The following NTM variants were observed in gnomAD, a reference collection of about 807,000 sequenced individuals.
NTM encodes IgLON family member 2.
NTM carries 13 observed loss-of-function variants against 42.1 expected under a neutral mutation model. That is an observed-to-expected ratio of 0.31 (90% CI 0.20 to 0.49). The LOEUF is 0.49. Ranked by LOEUF, NTM falls within the 20% of genes least tolerant of loss-of-function variation. The pLI is 0.99. For synonymous variants in NTM, 187 were observed against 179.2 expected (o/e 1.04, Z -0.35); for missense variants, 373 against 452.8 (o/e 0.82, Z 1.60).
At position 132,268,389 on chromosome 11, in the gene NTM, A is replaced by G. The variant is rs189726493; in HGVS notation, c.527-39300A>G. Among the ~76,000 whole-genome samples, 5 of 152,336 alleles carry G rather than the reference A, an allele frequency of 3.3e-5. No homozygotes were observed. The East Asian group carries it at 9.6e-4, about 29-fold the overall frequency. On this transcript the variant is annotated intron_variant, in intron 4 of 8. Coordinates refer to ENST00000683400, the MANE Select transcript of NTM (RefSeq NM_001352005.2). ...AGACATCACCCTCCTTTTTCAAATG[A>G]GGAATTCAGACTCCATGAATAGTTC...
intron 1 of NTM, among the ~76,000 whole-genome samples, chr11:131,797,338 G>T (rs1002331795): frequency 6.6e-6 from 1 of 152,168 alleles, no homozygotes; most frequent in African/African-American, 2.4e-5. Context: ...CTCTGTAAGG[G>T]GGGGCAGGAT....
At chr11:131,432,520 G>A (rs1256779362) in intron 1 of NTM, among the ~76,000 whole-genome samples, 3 of 152,128 alleles carry the variant, frequency 2.0e-5, no homozygotes, top group African/African-American at 7.2e-5. Flanking sequence ...AATTGTTCAA[G>A]ACCACATGGT....
chr11:132,065,379 G>C (rs190153695), intron 2 of NTM, among the ~76,000 whole-genome samples: 1 of 152,116 alleles, frequency 6.6e-6, no homozygotes, highest in Non-Finnish European at 1.5e-5. Flanking sequence ...AAGGCACAGC[G>C]TGTAGAATAT....
chr11:131,477,758 A>G (rs932667612), intron 1 of NTM, among the ~76,000 whole-genome samples: 1 of 151,780 alleles, frequency 6.6e-6, no homozygotes, highest in Non-Finnish European at 1.5e-5. Context: ...CCTAAAATGC[A>G]TGTGATAAAA....
chr11:132,072,754 C>T (rs759613381), intron 2 of NTM, among the ~76,000 whole-genome samples: 29 of 152,136 alleles, frequency 1.9e-4, no homozygotes, highest in Non-Finnish European at 3.4e-4. Context: ...CCTGCCACCT[C>T]CCCGGGAGAG....
intron 4 of NTM, among the ~76,000 whole-genome samples, chr11:132,297,790 G>T (rs2094679004): frequency 6.6e-6 from 1 of 152,114 alleles, no homozygotes; most frequent in Non-Finnish European, 1.5e-5. Flanking sequence ...TAGCAAGGGG[G>T]TACCAAGCCG....
chr11:131,371,547 G>A (rs1264689455), intron 1 of NTM, among the ~76,000 whole-genome samples: 1 of 152,194 alleles, frequency 6.6e-6, no homozygotes, highest in African/African-American at 2.4e-5. Flanking sequence ...AAGTTGAAGG[G>A]AGAGAGGCAA....
chr11:132,289,300 G>T (rs547353596), intron 4 of NTM, among the ~76,000 whole-genome samples: 3 of 152,272 alleles, frequency 2.0e-5, no homozygotes, highest in African/African-American at 7.2e-5. Context: ...AAGATCCTTT[G>T]AGAATATACA....
intron 1 of NTM, among the ~76,000 whole-genome samples, chr11:131,557,768 G>A (rs866763809): frequency 5.9e-5 from 9 of 152,050 alleles, no homozygotes; most frequent in Middle Eastern, 6.8e-3. Context: ...GTATGGGGTG[G>A]GAGTGGAGGG....
intron 1 of NTM, among the ~76,000 whole-genome samples, chr11:131,506,600 A>G (rs780696279): frequency 2.6e-5 from 4 of 152,152 alleles, no homozygotes; most frequent in South Asian, 4.1e-4. Context: ...TCCAGGTTCT[A>G]GTTCTCAGGA....
At chr11:131,401,799 AATATATATAT>A (rs61167647) in intron 1 of NTM, among the ~76,000 whole-genome samples, 2,147 of 34,944 alleles carry the variant, frequency 0.061, 231 homozygotes, top group Non-Finnish European at 0.08. Flanking sequence ...GGCCACTGGA[AATATATATAT>A]ATATATATAT....
chr11:131,721,577 C>T (rs764647267), intron 1 of NTM, among the ~76,000 whole-genome samples: 25 of 152,078 alleles, frequency 1.6e-4, no homozygotes, highest in Admixed American at 3.9e-4. Context: ...TTGAGCTCCA[C>T]GTCCATCTAC....
At chr11:131,785,487 A>T (rs2088990068) in intron 1 of NTM, among the ~76,000 whole-genome samples, 1 of 152,256 alleles carries the variant, frequency 6.6e-6, no homozygotes, top group Non-Finnish European at 1.5e-5. Context: ...GAAATTATGT[A>T]GTATTACTTA....
intron 1 of NTM, among the ~76,000 whole-genome samples, chr11:131,599,718 G>A (rs1386132067): frequency 6.6e-6 from 1 of 152,212 alleles, no homozygotes; most frequent in Non-Finnish European, 1.5e-5. Flanking sequence ...TGCTGTGATA[G>A]GCAAGGGACA....
chr11:131,778,760 G>A (rs1420476863), intron 1 of NTM, among the ~76,000 whole-genome samples: 1 of 152,004 alleles, frequency 6.6e-6, no homozygotes, highest in African/African-American at 2.4e-5. Flanking sequence ...CAATTTTCCG[G>A]TTAACTATTG....
intron 4 of NTM, among the ~76,000 whole-genome samples, chr11:132,254,342 C>A (rs564317228): frequency 1.1e-4 from 17 of 152,076 alleles, no homozygotes; most frequent in African/African-American, 4.1e-4. Flanking sequence ...TCTGTGATTC[C>A]TCTCTTCCTT....
chr11:132,278,021 C>G (rs1295493127), intron 4 of NTM, among the ~76,000 whole-genome samples: 2 of 152,184 alleles, frequency 1.3e-5, no homozygotes, highest in Non-Finnish European at 2.9e-5. Flanking sequence ...TGAAAGTCTG[C>G]TTTGGGCCAC....
intron 1 of NTM, among the ~76,000 whole-genome samples, chr11:131,622,618 G>A (rs1055053247): frequency 5.3e-5 from 8 of 152,042 alleles, no homozygotes; most frequent in African/African-American, 9.7e-5. Flanking sequence ...TATCTACTCC[G>A]TGACCACACA....
intron 1 of NTM, among the ~76,000 whole-genome samples, chr11:131,833,336 T>C (rs2043063171): frequency 6.6e-6 from 1 of 152,196 alleles, no homozygotes; most frequent in Non-Finnish European, 1.5e-5. Context: ...GGCAGACACT[T>C]GATATGCTCC....
Sources: gnomAD v4.1 joint callset for allele counts (sites outside exome capture counted in the v4.1 genomes callset) on GRCh38, gnomAD v4.1.1 for gene constraint, MANE v1.5 for transcripts, NCBI Gene and HGNC (gene_info 2026-07-23, HGNC 2026-07-21) for gene names.